Variants in IARS1 observed in about 807,000 individuals in gnomAD.
IARS1 encodes isoleucyl-tRNA synthetase 1.
IARS1 carries 124 observed loss-of-function variants against 168.2 expected under a neutral mutation model. That is an observed-to-expected ratio of 0.74 (90% CI 0.64 to 0.86). The LOEUF (loss-of-function observed/expected upper bound fraction) is 0.86. IARS1 is among the 40% of genes least tolerant of loss of function. The pLI is 0.00. For missense variants in IARS1, 1,452 were observed against 1,515.8 expected, an observed-to-expected ratio of 0.96 and a Z score of 0.70; for synonymous variants, 532 against 529.4, an observed-to-expected ratio of 1.00 and a Z score of -0.07.
chr9:92,211,811 A>C (rs1212231788), intron 33 of IARS1, among the ~76,000 whole-genome samples: 1 of 152,182 alleles, frequency 6.6e-6, no homozygotes, highest in Non-Finnish European at 1.5e-5. Context: ...AAAAGTACAT[A>C]ATAAGCCTAG....
Position 92,256,711 on chromosome 9 carries a change from A to T in IARS1, c.2106T>A (p.Ser702=). 1 of 1,613,904 alleles carries T rather than the reference A, an allele frequency of 6.2e-7. No individual in the cohort carries two copies. Among genetic ancestry groups the T allele is most frequent in the Non-Finnish European group, 8.5e-7 (1 of 1,179,860 alleles). The part of the protein sequence containing the change: ...TDRWILSFMQ[S]LIGFFETEMA... ...TTTCAGTCTCAAAGAAGCCAATGAG[A>T]GACTGCATGAAGGACAGGATCCACC... Residue 702 remains serine (S), a synonymous_variant, in exon 20 of 34, where the codon TCT becomes TCA. Transcript: ENST00000443024.
intron 21 of IARS1, chr9:92,252,317 C>T: frequency 2.1e-6 from 1 of 474,446 alleles, no homozygotes; most frequent in Admixed American, 2.3e-5. Flanking sequence ...GAAATTTTTT[C>T]ATTATCTTTG....
At chr9:92,270,925 T>C (rs371406211) in intron 12 of IARS1, 60 bp downstream of exon 12, 62 of 1,131,118 alleles carry the variant, frequency 5.5e-5, no homozygotes, top group Middle Eastern at 4.1e-4. Context: ...TGGGCACATA[T>C]AGTAAGTGTA....
At chr9:92,233,173 T>C (rs1342956668) in intron 30 of IARS1, among the ~76,000 whole-genome samples, 3 of 152,236 alleles carry the variant, frequency 2.0e-5, no homozygotes, top group African/African-American at 4.8e-5. Context: ...CTTTAACTTG[T>C]ACAAATAATG....
intron 10 of IARS1, among the ~76,000 whole-genome samples, 171 bp downstream of exon 10, chr9:92,274,255 A>G (rs902604998): frequency 2.6e-5 from 4 of 152,192 alleles, no homozygotes; most frequent in Admixed American, 2.6e-4. Flanking sequence ...TCCAGAAATC[A>G]GCTTAGGATG....
chr9:92,228,958 A>G (rs775995066), intron 31 of IARS1, 43 bp downstream of exon 31: 3 of 1,610,170 alleles, frequency 1.9e-6, no homozygotes, highest in East Asian at 4.5e-5. Flanking sequence ...TCACCAATCC[A>G]TCTTGAGTCA....
chr9:92,210,640 G>A lies in IARS1; in HGVS notation c.*167C>T. ...TGTGAAGATTACTGTGAGGTCTCAA[G>A]TTACTTGACTAATCAATCCCATTTG... On this transcript the variant is annotated 3_prime_UTR_variant, in exon 34 of 34. Coordinates refer to ENST00000443024, the MANE Select transcript of IARS1 (RefSeq NM_002161.6). 3 of 564,138 alleles carry A rather than the reference G, an allele frequency of 5.3e-6. No homozygotes were observed. The highest frequency in any genetic ancestry group is 3.7e-5 in the African/African-American group (2 of 53,358). 34.9% of individuals were successfully genotyped at this position (564,138 alleles called of 1,614,324 possible).
chr9:92,288,215 T>C lies in IARS1; in HGVS notation c.187A>G (p.Thr63Ala). The C allele has an allele frequency of 6.2e-7, 1 of 1,614,018 alleles. No individual in the cohort carries two copies. The highest frequency in any genetic ancestry group is 8.5e-7 in the Non-Finnish European group (1 of 1,179,894). ...LPHYGHILAG[T>A]IKDIVTRYAH... ...TATCTTGTAACTATATCTTTAATTG[T>C]ACCCGCAAGTATATGTCCATAGTGA... Residue 63 changes from threonine to alanine, a missense_variant, in exon 3 of 34, where the codon ACA becomes GCA. Coordinates refer to ENST00000443024, the MANE Select transcript of IARS1 (RefSeq NM_002161.6).
chr9:92,240,969 C>T lies in IARS1; in HGVS notation c.3178-8G>A, dbSNP rs371678044. On this transcript the variant is annotated splice_polypyrimidine_tract_variant and splice_region_variant and intron_variant, in intron 29 of 33. Coordinates refer to ENST00000443024, the MANE Select transcript of IARS1 (RefSeq NM_002161.6). ...CAGTTCAGATCCCTTCAACTGAGCA[C>T]ATGAGAACGTATGACTGAGTAACTG... is the stretch of plus-strand genomic sequence containing the variant. 3 of 1,554,498 alleles carry T rather than the reference C, an allele frequency of 1.9e-6. No homozygotes were observed. The highest frequency in any genetic ancestry group is 2.2e-5 in the East Asian group (1 of 44,610).
At position 92,222,554 on chromosome 9, in the gene IARS1, C is replaced by T; in HGVS notation, c.3672G>A (p.Lys1224=). ...GGGTCTCATTCAGAAACAGCTTTAGCTTCCTGCTCCGAAGGCCAAACACCT... is the reference window on the plus strand; with the variant it reads ...GGGTCTCATTCAGAAACAGCTTTAGTTTCCTGCTCCGAAGGCCAAACACCT... ...AAKVFGLRSR[K]LKLFLNETQT... The change falls in exon 33 of 34, where the codon AAG becomes AAA. Residue 1224 remains lysine (K), a synonymous_variant. Transcript: ENST00000443024. 1 of 1,614,058 alleles carries T rather than the reference C, an allele frequency of 6.2e-7. No individual in the cohort carries two copies. Among genetic ancestry groups the T allele is most frequent in the Non-Finnish European group, 8.5e-7 (1 of 1,180,002 alleles).
At chr9:92,219,031 G>T (rs1338957695) in intron 33 of IARS1, among the ~76,000 whole-genome samples, 2 of 152,102 alleles carry the variant, frequency 1.3e-5, no homozygotes, top group Non-Finnish European at 1.5e-5. Flanking sequence ...ATACTACAAG[G>T]CTACAGTAAC....
intron 19 of IARS1, among the ~76,000 whole-genome samples, chr9:92,257,807 C>T (rs1359953054): frequency 6.6e-6 from 1 of 152,132 alleles, no homozygotes; most frequent in Non-Finnish European, 1.5e-5. Context: ...TACTTACAAG[C>T]AATTTTACTT....
intron 4 of IARS1, 24 bp downstream of exon 4, chr9:92,287,767 T>C: frequency 2.5e-6 from 4 of 1,601,426 alleles, no homozygotes. Context: ...TGCTGTTCAT[T>C]CTACTGAAAA....
intron 33 of IARS1, among the ~76,000 whole-genome samples, chr9:92,218,034 T>G (rs1839030334): frequency 1.3e-5 from 2 of 152,058 alleles, no homozygotes; most frequent in African/African-American, 2.4e-5. Context: ...AATAAAATAC[T>G]GGCAAAACGA....
chr9:92,280,791 G>A lies in IARS1; in HGVS notation c.700C>T (p.Leu234Phe), dbSNP rs957812744. The A allele has an allele frequency of 6.2e-7, 1 of 1,612,510 alleles. No individual in the cohort carries two copies. Among genetic ancestry groups the A allele is most frequent in the Admixed American group, 1.7e-5 (1 of 59,962 alleles). The change falls in exon 7 of 34, where the codon CTT becomes TTT. Residue 234 changes from leucine (L) to phenylalanine (F), a missense_variant. By Grantham distance (22) the Leu-to-Phe change is conservative. Transcript: ENST00000443024. ...TTTPWTLPSNLAVCVNPEMQY... is the reference protein window; with the variant it reads ...TTTPWTLPSNFAVCVNPEMQY... ...ATTTCTGGATTAACACACACAGCAAGGTTACTAGGTAGAGTCCAGGGAGTG... is the reference window on the plus strand; with the variant it reads ...ATTTCTGGATTAACACACACAGCAAAGTTACTAGGTAGAGTCCAGGGAGTG...
chr9:92,286,435 G>A (rs976820676), intron 5 of IARS1, 101 bp downstream of exon 5: 7 of 634,568 alleles, frequency 1.1e-5, no homozygotes, highest in Middle Eastern at 3.3e-4. Flanking sequence ...GAGAAATAAC[G>A]ATGGACTCAA....
intron 19 of IARS1, 28 bp from the exon 20 acceptor site, chr9:92,256,828 G>T (rs368349577): frequency 2.5e-6 from 4 of 1,589,804 alleles, no homozygotes; most frequent in Non-Finnish European, 3.4e-6. Flanking sequence ...ATGAAACACT[G>T]GCACACTTGG....
intron 13 of IARS1, among the ~76,000 whole-genome samples, chr9:92,269,042 A>C (rs1832675211): frequency 6.6e-6 from 1 of 150,646 alleles, no homozygotes; most frequent in South Asian, 2.1e-4. Flanking sequence ...ATATGCCTGC[A>C]CCCCCTCGAG....
At chr9:92,288,052 G>T in intron 3 of IARS1, 74 bp downstream of exon 3, 2 of 1,531,134 alleles carry the variant, frequency 1.3e-6, no homozygotes, top group South Asian at 2.3e-5. Context: ...CATCATACTT[G>T]AACATATTAT....
Sources: gnomAD v4.1 joint callset for allele counts (sites outside exome capture counted in the v4.1 genomes callset) on GRCh38, gnomAD v4.1.1 for gene constraint, MANE v1.5 for transcripts, NCBI Gene and HGNC (gene_info 2026-07-23, HGNC 2026-07-21) for gene names.